CRACD: variants seen among roughly 807,000 people sequenced by gnomAD.
The protein encoded by CRACD is capping protein inhibiting regulator of actin dynamics, also known as capping protein-inhibiting regulator of actin dynamics.
CRACD carries 56 observed loss-of-function variants against 106.8 expected under a neutral mutation model. The ratio of observed to expected loss-of-function variants is 0.52; its 90% CI spans 0.42 to 0.66. The LOEUF (loss-of-function observed/expected upper bound fraction) is 0.66, where lower values mean the gene tolerates loss of function less well. CRACD is among the 30% of genes least tolerant of loss of function. The pLI, the probability that CRACD is intolerant of heterozygous loss-of-function variation, is 0.00. For synonymous variants in CRACD, 754 were observed against 670.8 expected (o/e 1.12, Z -1.92); for missense variants, 1,730 against 1,623.2 (o/e 1.07, Z -1.13).
At position 56,314,397 on chromosome 4, in the gene CRACD, G is replaced by C. The variant is rs59615456; in HGVS notation, c.895G>C (p.Gly299Arg). 507,131 of 1,244,688 alleles carry C rather than the reference G, an allele frequency of 0.41. 85,799 individuals carry two copies. Among genetic ancestry groups the C allele is most frequent in the Middle Eastern group, 0.47 (1,722 of 3,694 alleles). 77.1% of individuals were successfully genotyped at this position (1,244,688 alleles called of 1,614,324 possible). The change falls in exon 8 of 11, where the codon GGT (glycine) becomes CGT (arginine). Residue 299 changes from glycine (G) to arginine (R), a missense_variant. By Grantham distance (125) the Gly-to-Arg change is moderately radical. Transcript: ENST00000682029. The surrounding 1 kb of genome is among the most constrained non-coding windows in gnomAD (Gnocchi z 4.4). ...GCAGCAGCGGAGCCTGGAAGCGCCAGGTTGGGAGGACGCGGAGCGGAGGGA... is the reference window on the plus strand; with the variant it reads ...GCAGCAGCGGAGCCTGGAAGCGCCACGTTGGGAGGACGCGGAGCGGAGGGA... Reference protein sequence around the residue: ...EEQQRSLEAPGWEDAERRERE... With the variant: ...EEQQRSLEAPRWEDAERRERE...
At chr4:56,327,598 G>A in intron 10 of CRACD, 46 bp from the exon 11 acceptor site, 5 of 1,555,480 alleles carry the variant, frequency 3.2e-6, no homozygotes, top group Non-Finnish European at 4.4e-6. Flanking sequence ...AATTTGTAGT[G>A]TGGCTGTGAA....
At chr4:56,166,563 C>T (rs1175184092) in intron 1 of CRACD, among the ~76,000 whole-genome samples, 2 of 149,994 alleles carry the variant, frequency 1.3e-5, no homozygotes, top group South Asian at 2.1e-4. Flanking sequence ...GCCTATAATC[C>T]CAGCAACTCG....
intron 4 of CRACD, among the ~76,000 whole-genome samples, chr4:56,303,238 G>A (rs201479809): frequency 2.6e-5 from 4 of 152,178 alleles, no homozygotes; most frequent in South Asian, 2.1e-4. Flanking sequence ...CCAGCTACTC[G>A]GGAGGCTGAG....
intron 1 of CRACD, among the ~76,000 whole-genome samples, chr4:56,153,857 A>T (rs1296676528): frequency 6.6e-6 from 1 of 152,016 alleles, no homozygotes; most frequent in South Asian, 2.1e-4. Flanking sequence ...TACTAGCTAC[A>T]CTCATCTTAA....
intron 1 of CRACD, among the ~76,000 whole-genome samples, chr4:56,152,750 A>G (rs1014868580): frequency 6.6e-6 from 1 of 151,962 alleles, no homozygotes; most frequent in Non-Finnish European, 1.5e-5. Context: ...AGGCACTTCA[A>G]GCTGGCTCTG....
At position 56,324,157 on chromosome 4, in the gene CRACD, G is replaced by T; in HGVS notation, c.3432G>T (p.Leu1144=). The change falls in exon 10 of 11, where the codon CTG becomes CTT. Residue 1144 remains leucine (L), a synonymous_variant. Transcript: ENST00000682029. ...GSSSVSRAGS[L]HKSTALPEEK... is the part of the protein sequence containing the mutation. ...GCAGTGTCAGCAGAGCAGGTTCCCT[G>T]CACAAGTCCACTGCTCTGCCAGAAG... 6.2e-7 allele frequency: 1 copy of T among 1,614,156 alleles called. No individual in the cohort carries two copies. The highest frequency in any genetic ancestry group is 8.5e-7 in the Non-Finnish European group (1 of 1,179,974).
At chr4:56,069,560 A>C (rs888934091) in intron 1 of CRACD, among the ~76,000 whole-genome samples, 3 of 152,192 alleles carry the variant, frequency 2.0e-5, no homozygotes, top group African/African-American at 4.8e-5. Context: ...TCCCTTCCTA[A>C]GTATCAAGGA....
intron 8 of CRACD, among the ~76,000 whole-genome samples, chr4:56,316,903 C>T (rs1264903237): frequency 6.6e-6 from 1 of 152,118 alleles, no homozygotes; most frequent in East Asian, 1.9e-4. Flanking sequence ...CATTTATGGA[C>T]CTTAAGTCGA....
chr4:56,289,372 G>A (rs1312653628), intron 3 of CRACD, among the ~76,000 whole-genome samples: 1 of 152,126 alleles, frequency 6.6e-6, no homozygotes, highest in Non-Finnish European at 1.5e-5. Context: ...CAGATTTTGT[G>A]TTTAAGAATT....
chr4:56,188,229 T>C (rs146449951), intron 2 of CRACD, among the ~76,000 whole-genome samples: 1,807 of 152,312 alleles, frequency 0.012, 28 homozygotes, highest in African/African-American at 0.041. Context: ...TATCATTTTA[T>C]TTTCATTTCT....
intron 1 of CRACD, among the ~76,000 whole-genome samples, chr4:56,168,243 C>T (rs1736225748): frequency 6.6e-6 from 1 of 152,004 alleles, no homozygotes; most frequent in African/African-American, 2.4e-5. Context: ...GTCTTGTATT[C>T]CCAGTTTTTA....
rs557671539 is a variant in CRACD, at chr4:56,074,166, G to A, written c.-336+24867G>A. On this transcript the variant is annotated intron_variant, in intron 1 of 10. Coordinates refer to ENST00000682029, the MANE Select transcript of CRACD (RefSeq NM_001393381.1). ...TTGCTTAGGATTGTCTTGGCTATAC[G>A]AGCTCTTTTTTGGTTCCATATGGAA... Among the ~76,000 whole-genome samples the A allele has an allele frequency of 7.4e-4, 113 of 152,152 alleles. 1 individual carries two copies. The highest frequency in any genetic ancestry group is 2.6e-3 in the African/African-American group (108 of 41,498).
intron 6 of CRACD, 63 bp downstream of exon 6, chr4:56,310,797 C>CT: frequency 4.1e-6 from 4 of 974,364 alleles, no homozygotes; most frequent in East Asian, 5.2e-5. Context: ...CTTCCCCCCC[C>CT]CTTTTTTTTT....
chr4:56,090,941 C>T (rs1403265534), intron 1 of CRACD, among the ~76,000 whole-genome samples: 1 of 152,174 alleles, frequency 6.6e-6, no homozygotes, highest in Non-Finnish European at 1.5e-5. Flanking sequence ...TTTCTGAGAT[C>T]CAACTGGGTT....
chr4:56,190,958 T>A (rs946348667), intron 2 of CRACD, among the ~76,000 whole-genome samples: 11 of 152,058 alleles, frequency 7.2e-5, no homozygotes, highest in African/African-American at 2.4e-4. Context: ...TCCTACCAGA[T>A]CTCTCACTAG....
At chr4:56,245,649 C>G (rs746497589) in intron 2 of CRACD, among the ~76,000 whole-genome samples, 9 of 152,172 alleles carry the variant, frequency 5.9e-5, no homozygotes, top group Non-Finnish European at 1.0e-4. Context: ...AAATCAAGCT[C>G]CTATTGTAAC....
chr4:56,197,779 G>A (rs1737680769), intron 2 of CRACD, among the ~76,000 whole-genome samples: 1 of 151,816 alleles, frequency 6.6e-6, no homozygotes, highest in South Asian at 2.1e-4. Flanking sequence ...CCGGGTTCAC[G>A]CCGTTCTCCT....
At chr4:56,130,766 A>G (rs1379728522) in intron 1 of CRACD, among the ~76,000 whole-genome samples, 1 of 151,704 alleles carries the variant, frequency 6.6e-6, no homozygotes, top group Non-Finnish European at 1.5e-5. Context: ...TGCCAACCTT[A>G]TTTACATTTT....
At chr4:56,056,420 A>G (rs915812450) in intron 1 of CRACD, among the ~76,000 whole-genome samples, 1 of 152,110 alleles carries the variant, frequency 6.6e-6, no homozygotes, top group Non-Finnish European at 1.5e-5. Flanking sequence ...GTGCTGCCCT[A>G]TACGGTCCTG....
Sources: gnomAD v4.1 joint callset for allele counts (sites outside exome capture counted in the v4.1 genomes callset) on GRCh38, gnomAD v4.1.1 for gene constraint, Gnocchi (gnomAD v3.1) non-coding constraint, MANE v1.5 for transcripts, NCBI Gene and HGNC (gene_info 2026-07-23, HGNC 2026-07-21) for gene names.